The following CDH5 variants were observed in gnomAD, a reference collection of about 807,000 sequenced individuals.
CDH5 encodes the protein cadherin 5, also known as cadherin-5.
Under a neutral mutation model 62.0 loss-of-function variants are expected in CDH5, and 28 were observed. That is an observed-to-expected ratio of 0.45 (90% confidence interval 0.33 to 0.62). CDH5 has a LOEUF of 0.62. CDH5 is among the 20% of genes least tolerant of loss of function. CDH5 has a pLI of 0.02. For missense variants in CDH5, 940 were observed against 1,065.1 expected (o/e 0.88, Z 1.63); for synonymous variants, 464 against 445.8 (o/e 1.04, Z -0.52).
intron 1 of CDH5, among the ~76,000 whole-genome samples, chr16:66,375,936 G>C (rs7199308): frequency 1.3e-5 from 2 of 151,506 alleles, no homozygotes; most frequent in South Asian, 4.2e-4. Flanking sequence ...GTGAAACCCC[G>C]TCTCTACTAA....
intron 2 of CDH5, among the ~76,000 whole-genome samples, chr16:66,381,555 G>C (rs1960898966): frequency 6.6e-6 from 1 of 152,194 alleles, no homozygotes; most frequent in Non-Finnish European, 1.5e-5. Context: ...ATCTCACTTT[G>C]TCAGCTTCTT....
In CDH5 at chr16:66,379,326, C is replaced by A. The variant is rs1345004872; in HGVS notation, c.-12C>A. 23 of 1,597,340 alleles carry A rather than the reference C, an allele frequency of 1.4e-5. No individual in the cohort carries two copies. The highest frequency in any genetic ancestry group is 2.0e-5 in the Non-Finnish European group (23 of 1,168,334). On this transcript the variant is annotated 5_prime_UTR_variant, in exon 2 of 12. Transcript: ENST00000341529. ...TGTCTCCTCTTTCCCCAGATCTGTT[C>A]CTCCTGGGAAGATGCAGAGGCTCAT...
In CDH5 at chr16:66,396,603, T is replaced by C. The variant is rs1427857454; in HGVS notation, c.1360+402T>C. Among the ~76,000 whole-genome samples, 8 of 72,714 alleles carry C rather than the reference T, an allele frequency of 1.1e-4. No individual in the cohort carries two copies. In the Admixed American group the frequency reaches 1.4e-3, roughly 13 times the overall value. The allele number at this position is 72,714 out of a possible 152,430, so 47.7% of individuals were successfully genotyped here. A position where few individuals can be genotyped will look rare whatever the true frequency, so the allele number is the denominator to read the frequency against. ...GCATTTAACAAGGGTCCCATGATTC[T>C]TAGTTATCATGGCTGTTTGGGAAAT... On this transcript the variant is annotated intron_variant, in intron 8 of 11. Transcript: ENST00000341529.
At chr16:66,395,873 T>C in intron 7 of CDH5, 186 bp from the exon 8 acceptor site, 1 of 550,144 alleles carries the variant, frequency 1.8e-6, no homozygotes, top group Admixed American at 3.7e-5. Context: ...AAAGACATTA[T>C]CTTGCTATCC....
At chr16:66,376,810 C>T (rs751164936) in intron 1 of CDH5, among the ~76,000 whole-genome samples, 3 of 152,204 alleles carry the variant, frequency 2.0e-5, no homozygotes, top group Non-Finnish European at 2.9e-5. Flanking sequence ...TACGTTTCCT[C>T]ATTGACTTAT....
chr16:66,402,604 C>A lies in CDH5; in HGVS notation c.1838-48C>A, dbSNP rs549762463. The A allele has an allele frequency of 5.9e-5, 87 of 1,474,668 alleles. No homozygotes were observed. The Middle Eastern group carries it at 1.8e-3, about 30-fold the overall frequency. 91.3% of individuals were successfully genotyped at this position (1,474,668 alleles called of 1,614,324 possible). On this transcript the variant is annotated intron_variant, in intron 11 of 11. Transcript: ENST00000341529. ...GGGGATGGGGGCATGGGGGGCCGCC[C>A]AGGCCCCCAGCCTTGTCTGACTCTG...
intron 2 of CDH5, among the ~76,000 whole-genome samples, chr16:66,380,805 T>C (rs554428149): frequency 6.6e-6 from 1 of 151,748 alleles, no homozygotes; most frequent in African/African-American, 2.4e-5. Flanking sequence ...GTGGTAATGG[T>C]GAAGGATAAG....
chr16:66,377,132 T>A (rs1214155032), intron 1 of CDH5: 1 of 152,222 alleles, frequency 6.6e-6, no homozygotes, highest in African/African-American at 2.4e-5. Context: ...AGGGTCTGGG[T>A]CCAGTGAGGC....
chr16:66,401,059 G>T, intron 11 of CDH5, 43 bp downstream of exon 11: 1 of 1,612,236 alleles, frequency 6.2e-7, no homozygotes, highest in Non-Finnish European at 8.5e-7. Flanking sequence ...GTGGGTGGAA[G>T]GGGATGGAAG....
At chr16:66,386,686 C>G in intron 2 of CDH5, 123 bp from the exon 3 acceptor site, 1 of 809,728 alleles carries the variant, frequency 1.2e-6, no homozygotes. Context: ...GGGACCCTGG[C>G]CAGCACCACA....
intron 3 of CDH5, 21 bp downstream of exon 3, chr16:66,387,118 G>GTCC (rs755400920): frequency 1.3e-6 from 2 of 1,597,512 alleles, no homozygotes; most frequent in Non-Finnish European, 1.7e-6. Flanking sequence ...TGCCCACTCT[G>GTCC]TCCTCCTCCC....
chr16:66,398,676 G>A, intron 10 of CDH5, 115 bp downstream of exon 10: 1 of 629,608 alleles, frequency 1.6e-6, no homozygotes, highest in African/African-American at 1.8e-5. Context: ...AGGCTGCAGT[G>A]AGCTATGATC....
In CDH5 at chr16:66,392,230, A is replaced by G. The variant is rs1258405779; in HGVS notation, c.1064A>G (p.Asn355Ser). 1 of 1,614,126 alleles carries G rather than the reference A, an allele frequency of 6.2e-7. No homozygotes were observed. The highest frequency in any genetic ancestry group is 8.5e-7 in the Non-Finnish European group (1 of 1,180,018). Residue 355 changes from asparagine to serine, a missense_variant, in exon 7 of 12, where the codon AAC becomes AGC. By Grantham distance (46) the Asn-to-Ser change is conservative. Coordinates refer to ENST00000341529, the MANE Select transcript of CDH5 (RefSeq NM_001795.5). ...CGATACATGAGCCCTCCCGCGGGAA[A>G]CAGAGCCCAGGTCATTATCAACATC... is the stretch of plus-strand genomic sequence containing the variant. ...DLRYMSPPAG[N>S]RAQVIINITD...
intron 2 of CDH5, among the ~76,000 whole-genome samples, chr16:66,386,232 A>G (rs1308056213): frequency 6.6e-6 from 1 of 151,308 alleles, no homozygotes; most frequent in Non-Finnish European, 1.5e-5. Flanking sequence ...AACTCACACC[A>G]TGAGAACAAC....
At chr16:66,374,565 C>T (rs892510299) in intron 1 of CDH5, among the ~76,000 whole-genome samples, 1 of 152,176 alleles carries the variant, frequency 6.6e-6, no homozygotes, top group Admixed American at 6.5e-5. Context: ...CTTCAGAGAA[C>T]GCTTTGTTAT....
chr16:66,398,368 C>T (rs2142341349), intron 9 of CDH5, 88 bp from the exon 10 acceptor site: 2 of 930,778 alleles, frequency 2.1e-6, no homozygotes, highest in Non-Finnish European at 3.5e-6. Flanking sequence ...ATGGTCAGGA[C>T]TTAAACCCAA....
chr16:66,396,291 A>G (rs1221720546), intron 8 of CDH5, 90 bp downstream of exon 8: 3 of 1,529,064 alleles, frequency 2.0e-6, no homozygotes, highest in Non-Finnish European at 1.8e-6. Flanking sequence ...TGGGGTCTCT[A>G]GACGTATTAG....
At position 66,392,546 on chromosome 16, in the gene CDH5, CA is replaced by C. The variant is rs1161485343; in HGVS notation, c.1217+164del. ...CAGAAGCCCAAGCTCTTGCACTTGG[CA>C]GCCTGGCATCTTGACCTGCCTGGAC... On this transcript the variant is annotated intron_variant, in intron 7 of 11. Transcript: ENST00000341529. The C allele has an allele frequency of 4.4e-5, 42 of 946,538 alleles. 1 individual carries two copies. In the African/African-American group the frequency reaches 6.4e-4, roughly 14 times the overall value. The allele number at this position is 946,538 out of a possible 1,614,324, so 58.6% of individuals were successfully genotyped here.
intron 5 of CDH5, 130 bp downstream of exon 5, chr16:66,389,652 A>G: frequency 1.3e-6 from 1 of 757,990 alleles, no homozygotes; most frequent in Non-Finnish European, 2.0e-6. Flanking sequence ...TGATGCCCAA[A>G]GGAGTCCTTT....
Sources: allele counts gnomAD v4.1 joint callset (sites outside exome capture counted in the v4.1 genomes callset), GRCh38; gene constraint gnomAD v4.1.1; transcripts MANE v1.5; gene names NCBI Gene and HGNC (gene_info 2026-07-23, HGNC 2026-07-21).